Variants in NXN observed in about 807,000 individuals in gnomAD.
The protein encoded by NXN is nucleoredoxin 1.
A neutral mutation model predicts 48.6 loss-of-function variants in NXN; 16 were observed. The ratio of observed to expected loss-of-function variants is 0.33; its 90% CI spans 0.22 to 0.50. NXN has a LOEUF of 0.50. Ranked by LOEUF, NXN falls within the 20% of genes least tolerant of loss-of-function variation. The pLI is 0.98. For missense variants in NXN, 492 were observed against 605.5 expected, an observed-to-expected ratio of 0.81 and a Z score of 1.97; for synonymous variants, 281 against 269.6, an observed-to-expected ratio of 1.04 and a Z score of -0.41.
intron 7 of NXN, among the ~76,000 whole-genome samples, chr17:803,418 C>T (rs538056592): frequency 3.3e-5 from 5 of 152,360 alleles, no homozygotes; most frequent in Admixed American, 1.3e-4. Flanking sequence ...TCTCCCCAGC[C>T]GCTCAGGCGG....
At chr17:962,920 C>A (rs549810552) in intron 1 of NXN, among the ~76,000 whole-genome samples, 10 of 152,260 alleles carry the variant, frequency 6.6e-5, no homozygotes, top group Non-Finnish European at 1.0e-4. Flanking sequence ...GACGGGGAAG[C>A]GGCTTTCAAA....
chr17:810,573 C>G (rs1911927412), intron 5 of NXN, among the ~76,000 whole-genome samples: 1 of 152,112 alleles, frequency 6.6e-6, no homozygotes, highest in East Asian at 1.9e-4. Flanking sequence ...CCGGCTCCCC[C>G]AAAACACTCC....
Position 841,411 on chromosome 17 carries a change from T to C in NXN, c.361-15333A>G, listed in dbSNP as rs1434173354. ...CTCACGCCGGCGAGCAGGTCCCCCC[T>C]GACCACGGCGCATCTCACACGGGCG... On this transcript the variant is annotated intron_variant, in intron 1 of 7. Transcript: ENST00000336868. 5.1e-3 allele frequency among the ~76,000 whole-genome samples: 80 copies of C among 15,740 alleles called. 4 individuals are homozygous for C. The highest frequency in any genetic ancestry group is 5.1e-3 in the Non-Finnish European group (38 of 7,380). The allele number at this position is 15,740 out of a possible 152,430, so 10.3% of individuals were successfully genotyped here.
intron 1 of NXN, among the ~76,000 whole-genome samples, chr17:887,790 T>C (rs1338243154): frequency 6.8e-6 from 1 of 146,640 alleles, no homozygotes; most frequent in African/African-American, 2.8e-5. Flanking sequence ...TTCCACCTCC[T>C]TTTTCCTAAG....
Position 854,387 on chromosome 17 carries a change from G to A in NXN, c.361-28309C>T, listed in dbSNP as rs186645918. 3.8e-3 allele frequency among the ~76,000 whole-genome samples: 575 copies of A among 152,090 alleles called. 4 individuals carry two copies. Among genetic ancestry groups the A allele is most frequent in the African/African-American group, 0.013 (538 of 41,506 alleles). On this transcript the variant is annotated intron_variant, in intron 1 of 7. Transcript: ENST00000336868. ...ATTTCAGCCGGGAGCGGTGGCTCACGCCTGTCATCCCAGCACTTTGGGAGG... is the reference window on the plus strand; with the variant it reads ...ATTTCAGCCGGGAGCGGTGGCTCACACCTGTCATCCCAGCACTTTGGGAGG...
intron 1 of NXN, among the ~76,000 whole-genome samples, chr17:970,856 C>A (rs569857788): frequency 1.3e-5 from 2 of 151,942 alleles, no homozygotes; most frequent in African/African-American, 4.8e-5. Context: ...AATATGTACG[C>A]ATTTTGAGTT....
intron 1 of NXN, among the ~76,000 whole-genome samples, chr17:887,303 G>A (rs981275629): frequency 2.6e-5 from 4 of 152,174 alleles, no homozygotes; most frequent in African/African-American, 7.2e-5. Context: ...AGCGACGAAG[G>A]TTTGGCGGAG....
intron 1 of NXN, among the ~76,000 whole-genome samples, chr17:971,329 C>T (rs1031662303): frequency 2.2e-4 from 33 of 152,278 alleles, no homozygotes; most frequent in African/African-American, 3.6e-4. Flanking sequence ...CAGAATCACA[C>T]GGCAATCCAG....
chr17:835,428 G>T (rs886150186), intron 1 of NXN, among the ~76,000 whole-genome samples: 1 of 152,004 alleles, frequency 6.6e-6, no homozygotes, highest in Non-Finnish European at 1.5e-5. Flanking sequence ...AAACAAAGAG[G>T]AGACAAGATT....
intron 1 of NXN, among the ~76,000 whole-genome samples, chr17:915,084 G>A (rs897676954): frequency 5.9e-5 from 9 of 151,980 alleles, no homozygotes; most frequent in East Asian, 1.9e-4. Context: ...ACAGGCACCC[G>A]CCACAACGCC....
intron 5 of NXN, among the ~76,000 whole-genome samples, chr17:812,762 G>T (rs1912180017): frequency 6.7e-6 from 1 of 149,396 alleles, no homozygotes; most frequent in African/African-American, 2.5e-5. Context: ...GTGTGCATAT[G>T]TGTGAGTGTA....
Position 945,211 on chromosome 17 carries a change from AGCTGG to A in NXN, c.360+34103_360+34107del, listed in dbSNP as rs1461788137. 3.3e-5 allele frequency among the ~76,000 whole-genome samples: 5 copies of A among 151,934 alleles called. No homozygotes were observed. In the East Asian group the frequency reaches 9.9e-4, roughly 30 times the overall value. ...ATTCTCCTGCCTCAGCCTCCCGAGTAGCTGGGACTACAGGCGCCCGCCACCACGCC... is the reference window on the plus strand; with the variant it reads ...ATTCTCCTGCCTCAGCCTCCCGAGTAGACTACAGGCGCCCGCCACCACGCC... On this transcript the variant is annotated intron_variant, in intron 1 of 7. Coordinates refer to ENST00000336868, the MANE Select transcript of NXN (RefSeq NM_022463.5).
Position 822,444 on chromosome 17 carries a change from C to A in NXN, c.626G>T (p.Arg209Leu). The change falls in exon 4 of 8, where the codon CGA becomes CTA. Residue 209 changes from arginine (R) to leucine (L), a missense_variant. By Grantham distance (102) the Arg-to-Leu change is moderately radical. Transcript: ENST00000336868. The stretch of plus-strand genomic sequence containing the variant: ...TTCCACCAGGACCCGGGTGAGGCTT[C>A]GGCAGGGCGGACACTGAAAGACAGG... ...YFSAHWCPPC[R>L]SLTRVLVESY... The A allele has an allele frequency of 6.2e-7, 1 of 1,613,820 alleles. No homozygotes were observed. The highest frequency in any genetic ancestry group is 8.5e-7 in the Non-Finnish European group (1 of 1,179,844).
At chr17:906,132 C>G (rs2144909686) in intron 1 of NXN, among the ~76,000 whole-genome samples, 1 of 152,246 alleles carries the variant, frequency 6.6e-6, no homozygotes, top group East Asian at 1.9e-4. Flanking sequence ...ATCTGGGTCT[C>G]AGGGGCCTGG....
At chr17:889,741 AAG>A (rs1279788471) in intron 1 of NXN, among the ~76,000 whole-genome samples, 886 of 72,114 alleles carry the variant, frequency 0.012, 22 homozygotes, top group African/African-American at 0.053. Context: ...GAAAGAAAGA[AAG>A]AAAGAAAGAA....
At chr17:847,610 T>C (rs913028350) in intron 1 of NXN, among the ~76,000 whole-genome samples, 3 of 152,236 alleles carry the variant, frequency 2.0e-5, no homozygotes, top group Admixed American at 2.0e-4. Context: ...AAAGGAATCG[T>C]GTCCGACACT....
At chr17:883,440 C>T (rs949552111) in intron 1 of NXN, among the ~76,000 whole-genome samples, 9 of 152,136 alleles carry the variant, frequency 5.9e-5, no homozygotes, top group African/African-American at 2.2e-4. Flanking sequence ...GCACAGGCCT[C>T]AAATTTCCAT....
intron 1 of NXN, among the ~76,000 whole-genome samples, chr17:909,098 CAAAAAAAAAAAAA>C (rs59822805): frequency 1.4e-4 from 17 of 117,390 alleles, no homozygotes; most frequent in African/African-American, 4.1e-4. Context: ...GACTTCGTCT[CAAAAAAAAAAAAA>C]AAAAAAAAAA....
At chr17:818,735 AT>A (rs1912632018) in intron 5 of NXN, among the ~76,000 whole-genome samples, 1 of 151,832 alleles carries the variant, frequency 6.6e-6, no homozygotes, top group Non-Finnish European at 1.5e-5. Context: ...AATACAAAAA[AT>A]TTAGCCGGGC....
Sources: allele counts gnomAD v4.1 joint callset (sites outside exome capture counted in the v4.1 genomes callset), GRCh38; gene constraint gnomAD v4.1.1; transcripts MANE v1.5; gene names NCBI Gene and HGNC (gene_info 2026-07-23, HGNC 2026-07-21).